GRID2: variants seen among roughly 807,000 people sequenced by gnomAD.
GRID2 encodes the protein glutamate ionotropic receptor delta type subunit 2.
GRID2 carries 33 observed loss-of-function variants against 114.8 expected under a neutral mutation model. The observed-to-expected ratio is 0.29, with a 90% CI of 0.22 to 0.38. The LOEUF (loss-of-function observed/expected upper bound fraction) is 0.38. GRID2 is among the 10% of genes least tolerant of loss of function. The pLI, the probability that GRID2 is intolerant of heterozygous loss-of-function variation, is 1.00. For missense variants in GRID2, 1,184 were observed against 1,257.7 expected (o/e 0.94, Z 0.89); for synonymous variants, 505 against 449.9 (o/e 1.12, Z -1.55).
chr4:92,704,704 T>A lies in GRID2; in HGVS notation c.244+114418T>A, dbSNP rs184482736. On this transcript the variant is annotated intron_variant, in intron 2 of 15. Transcript: ENST00000282020. Reference sequence around the variant, plus strand: ...TTTCTCCCCAATCAATCAATCAATCTCTCTCTCTCTCTCTCTCTTTCTCTC... The same window carrying A: ...TTTCTCCCCAATCAATCAATCAATCACTCTCTCTCTCTCTCTCTTTCTCTC... Among the ~76,000 whole-genome samples, 269 of 138,938 alleles carry A rather than the reference T, an allele frequency of 1.9e-3. 2 individuals carry two copies. The highest frequency in any genetic ancestry group is 7.4e-3 in the African/African-American group (250 of 33,742). 91.1% of individuals were successfully genotyped at this position (138,938 alleles called of 152,430 possible). A position where few individuals can be genotyped will look rare whatever the true frequency, so the allele number is the denominator to read the frequency against.
At chr4:92,946,294 G>A (rs1751626967) in intron 2 of GRID2, among the ~76,000 whole-genome samples, 3 of 151,880 alleles carry the variant, frequency 2.0e-5, no homozygotes, top group African/African-American at 2.4e-5. Context: ...TATATTTTGT[G>A]CTTATTTGAC....
chr4:93,275,424 A>C (rs550969774), intron 8 of GRID2, among the ~76,000 whole-genome samples: 1 of 73,044 alleles, frequency 1.4e-5, no homozygotes, highest in African/African-American at 8.4e-5. Flanking sequence ...TTTCTGTTGG[A>C]TATATACATA....
intron 3 of GRID2, among the ~76,000 whole-genome samples, chr4:93,095,146 T>C (rs1206318897): frequency 6.6e-6 from 1 of 151,954 alleles, no homozygotes. Context: ...AAGATTATAC[T>C]TCAAGTTCTG....
chr4:92,547,075 TAGG>T (rs1267085801), intron 1 of GRID2, among the ~76,000 whole-genome samples: 1 of 152,140 alleles, frequency 6.6e-6, no homozygotes, highest in Non-Finnish European at 1.5e-5. Context: ...CTTCCAAAAA[TAGG>T]AGGGTTTCTG....
chr4:93,797,842 GAAAAAA>G (rs10536515), intron 1 of GRID2, among the ~76,000 whole-genome samples: 8 of 128,084 alleles, frequency 6.2e-5, no homozygotes, highest in Admixed American at 1.6e-4. Flanking sequence ...TCCCCAGGAT[GAAAAAA>G]AAAAAAAAAA....
chr4:92,479,649 TTG>T (rs1722486651), intron 1 of GRID2, among the ~76,000 whole-genome samples: 1 of 152,152 alleles, frequency 6.6e-6, no homozygotes, highest in Non-Finnish European at 1.5e-5. Context: ...AGTTATAAAG[TTG>T]CTGCTTATTG....
intron 2 of GRID2, among the ~76,000 whole-genome samples, chr4:92,697,696 C>CA (rs1328366503): frequency 6.6e-6 from 1 of 151,474 alleles, no homozygotes; most frequent in Non-Finnish European, 1.5e-5. Context: ...TTTGGAAAGG[C>CA]AAAAAAATAG....
At chr4:92,848,955 A>T (rs1578301948) in intron 2 of GRID2, among the ~76,000 whole-genome samples, 1 of 151,994 alleles carries the variant, frequency 6.6e-6, no homozygotes, top group East Asian at 1.9e-4. Context: ...TGACACCTTG[A>T]TTTGTATTTT....
chr4:92,448,866 C>T (rs1421601775), intron 1 of GRID2, among the ~76,000 whole-genome samples: 1 of 152,048 alleles, frequency 6.6e-6, no homozygotes, highest in Non-Finnish European at 1.5e-5. Context: ...CAATTTCAAT[C>T]TCATTATTCC....
At chr4:93,435,810 A>G (rs1721027533) in intron 10 of GRID2, among the ~76,000 whole-genome samples, 1 of 152,276 alleles carries the variant, frequency 6.6e-6, no homozygotes, top group South Asian at 2.1e-4. Flanking sequence ...ACCTCTTTGG[A>G]GCTATCCAAA....
intron 2 of GRID2, among the ~76,000 whole-genome samples, chr4:92,834,883 T>G (rs1742347858): frequency 6.6e-6 from 1 of 152,012 alleles, no homozygotes. Context: ...GGAATGAGAT[T>G]TAATAAAACA....
chr4:92,516,898 T>G (rs1480830564), intron 1 of GRID2, among the ~76,000 whole-genome samples: 1 of 151,944 alleles, frequency 6.6e-6, no homozygotes, highest in Non-Finnish European at 1.5e-5. Context: ...AATTACTTTC[T>G]TTCTATGGAT....
At chr4:93,724,506 A>G (rs1018680249) in intron 14 of GRID2, among the ~76,000 whole-genome samples, 1 of 152,154 alleles carries the variant, frequency 6.6e-6, no homozygotes, top group African/African-American at 2.4e-5. Context: ...CGTGGAATAT[A>G]CTATTAGGAA....
At chr4:92,704,700 A>AGTCTCTCT (rs1491207061) in intron 2 of GRID2, among the ~76,000 whole-genome samples, 1 of 93,920 alleles carries the variant, frequency 1.1e-5, no homozygotes, top group Admixed American at 1.1e-4. Flanking sequence ...TCAATCAATC[A>AGTCTCTCT]ATCTCTCTCT....
intron 2 of GRID2, among the ~76,000 whole-genome samples, chr4:92,689,434 C>T (rs1252217637): frequency 1.3e-5 from 2 of 152,146 alleles, no homozygotes; most frequent in African/African-American, 4.8e-5. Context: ...TCAGGGGTCC[C>T]CAACCACGGG....
At chr4:93,556,833 A>G (rs751628612) in intron 13 of GRID2, among the ~76,000 whole-genome samples, 3 of 152,192 alleles carry the variant, frequency 2.0e-5, no homozygotes, top group Non-Finnish European at 2.9e-5. Flanking sequence ...TGTTAAGGGC[A>G]GCCAGAGAGA....
intron 13 of GRID2, among the ~76,000 whole-genome samples, chr4:93,600,019 A>G (rs1054399331): frequency 8.5e-5 from 13 of 152,342 alleles, no homozygotes; most frequent in African/African-American, 3.1e-4. Context: ...AGCAACGGCT[A>G]GAAGGCCCAA....
intron 1 of GRID2, among the ~76,000 whole-genome samples, chr4:92,312,415 T>C (rs1201554433): frequency 6.6e-6 from 1 of 152,092 alleles, no homozygotes; most frequent in Non-Finnish European, 1.5e-5. Context: ...CTTAGCTAAA[T>C]GTACAGTTAT....
intron 2 of GRID2, among the ~76,000 whole-genome samples, chr4:92,781,490 C>A (rs1425471683): frequency 6.6e-6 from 1 of 151,970 alleles, no homozygotes; most frequent in East Asian, 1.9e-4. Flanking sequence ...AGATTGAAAT[C>A]TTCAAAGTGA....
Sources: gnomAD v4.1 joint callset for allele counts (sites outside exome capture counted in the v4.1 genomes callset) on GRCh38, gnomAD v4.1.1 for gene constraint, MANE v1.5 for transcripts, NCBI Gene and HGNC (gene_info 2026-07-23, HGNC 2026-07-21) for gene names.